The following L3MBTL1 variants were observed in gnomAD, a reference collection of about 807,000 sequenced individuals.
The protein encoded by L3MBTL1 is lethal(3)malignant brain tumor-like protein 1.
A neutral mutation model predicts 105.3 loss-of-function variants in L3MBTL1; 75 were observed. The ratio of observed to expected loss-of-function variants is 0.71; its 90% CI spans 0.59 to 0.86. L3MBTL1 has a LOEUF of 0.86. Ranked by LOEUF, L3MBTL1 falls within the 40% of genes least tolerant of loss-of-function variation. The pLI is 0.00. For synonymous variants in L3MBTL1, 452 were observed against 436.2 expected (o/e 1.04, Z -0.45); for missense variants, 1,069 against 1,126.4 (o/e 0.95, Z 0.73).
At chr20:43,546,283 G>A (rs1978593067), downstream of L3MBTL1, among the ~76,000 whole-genome samples, 2 of 152,334 alleles carry the variant, frequency 1.3e-5, no homozygotes, top group Middle Eastern at 3.4e-3. Flanking sequence ...GAACTGTGGG[G>A]CAGGGCCAGG....
At position 43,530,782 on chromosome 20, in the gene L3MBTL1, C is replaced by G; in HGVS notation, c.1193-16C>G. ...CCTCTGCACGGCGCTCTGTTCATGC[C>G]CCTCGAGGGGCCTAGGTTACAAGGA... is the stretch of plus-strand genomic sequence containing the variant. On this transcript the variant is annotated splice_polypyrimidine_tract_variant and intron_variant, in intron 10 of 21. Coordinates refer to ENST00000418998, the MANE Select transcript of L3MBTL1 (RefSeq NM_001377303.1). 1.2e-6 allele frequency: 2 copies of G among 1,612,556 alleles called. No homozygotes were observed. The highest frequency in any genetic ancestry group is 1.7e-6 in the Non-Finnish European group (2 of 1,178,900).
chr20:43,540,919 G>T lies in L3MBTL1; in HGVS notation c.2395-15G>T. 1 of 1,613,692 alleles carries T rather than the reference G, an allele frequency of 6.2e-7. No homozygotes were observed. The highest frequency in any genetic ancestry group is 8.5e-7 in the Non-Finnish European group (1 of 1,179,744). On this transcript the variant is annotated splice_polypyrimidine_tract_variant and intron_variant, in intron 21 of 21. Coordinates refer to ENST00000418998, the MANE Select transcript of L3MBTL1 (RefSeq NM_001377303.1). The stretch of plus-strand genomic sequence containing the variant: ...CGTCACTTCTGCTAAGGAGGGACCC[G>T]TGTTGCCCCACCAGGCAAGAATAGT...
rs6017104 is a variant in L3MBTL1 at position 43,534,391 on chromosome 20, A to G, written c.1707A>G (p.Ile569Met). The G allele has an allele frequency of 9.6e-4, 1,549 of 1,613,864 alleles. 20 individuals are homozygous for G. The African/African-American group carries it at 0.018, about 19-fold the overall frequency. ...TGGAGGATGTGGAGGACCATCGGAT[A>G]AAGGTGGCTCTGGGACCCTAGGGCT... ...ASVEDVEDHRIKIHFDGWSHG... is the reference protein window; with the variant it reads ...ASVEDVEDHRMKIHFDGWSHG... The change falls in exon 15 of 22, where the codon ATA (isoleucine) becomes ATG (methionine). Residue 569 changes from isoleucine to methionine, a missense_variant. Coordinates refer to ENST00000418998, the MANE Select transcript of L3MBTL1 (RefSeq NM_001377303.1).
chr20:43,537,455 A>G (rs1300479241), intron 19 of L3MBTL1, among the ~76,000 whole-genome samples: 1 of 151,826 alleles, frequency 6.6e-6, no homozygotes, highest in African/African-American at 2.4e-5. Context: ...AAGGATACCA[A>G]TTGAATTGGA....
intron 7 of L3MBTL1, among the ~76,000 whole-genome samples, chr20:43,527,111 G>A (rs1402272179): frequency 1.3e-5 from 2 of 152,222 alleles, no homozygotes; most frequent in African/African-American, 2.4e-5. Context: ...TACAGCCTTA[G>A]TGAAGACCCA....
At chr20:43,515,928 G>C in intron 6 of L3MBTL1, 165 bp from the exon 7 acceptor site, 1 of 602,812 alleles carries the variant, frequency 1.7e-6, no homozygotes, top group Non-Finnish European at 3.0e-6. Flanking sequence ...GTGATAGGGG[G>C]ATGTCTGCTG....
Position 43,536,139 on chromosome 20 carries a change from A to G in L3MBTL1, c.1968A>G (p.Thr656=). The G allele has an allele frequency of 6.2e-7, 1 of 1,613,792 alleles. No homozygotes were observed. Among genetic ancestry groups the G allele is most frequent in the Non-Finnish European group, 8.5e-7 (1 of 1,180,034 alleles). ...GTTGCGACGGCTCTGGCCATGTCAC[A>G]GGCAAGTTCACAGCTCACCATTGCC... is the stretch of plus-strand genomic sequence containing the variant. ...TPGCDGSGHV[T]GKFTAHHCLS... Residue 656 remains threonine (T), a synonymous_variant, in exon 18 of 22, where the codon ACA becomes ACG. Coordinates refer to ENST00000418998, the MANE Select transcript of L3MBTL1 (RefSeq NM_001377303.1).
At chr20:43,547,261 C>A (rs1052204047) in intron 18 of L3MBTL1, among the ~76,000 whole-genome samples, 1 of 152,076 alleles carries the variant, frequency 6.6e-6, no homozygotes, top group Non-Finnish European at 1.5e-5. Flanking sequence ...CCCGCCACCA[C>A]GCCCAGCTAA....
At position 43,514,627 on chromosome 20, in the gene L3MBTL1, C is replaced by T. The variant is rs753597843; in HGVS notation, c.361-8C>T. 2.2e-5 allele frequency: 35 copies of T among 1,597,946 alleles called. No homozygotes were observed. The highest frequency in any genetic ancestry group is 1.0e-4 in the Admixed American group (6 of 57,750). ...GAGTCGCAATCCTCAGACCCTCCCG[C>T]GCTCCAGTTCCGGATAAGCGAGTAT... is the stretch of plus-strand genomic sequence containing the variant. On this transcript the variant is annotated splice_region_variant and splice_polypyrimidine_tract_variant and intron_variant, in intron 3 of 21. Transcript: ENST00000418998.
chr20:43,544,185 G>A (rs956898473), downstream of L3MBTL1, among the ~76,000 whole-genome samples: 5 of 152,202 alleles, frequency 3.3e-5, no homozygotes, highest in South Asian at 2.1e-4. Context: ...TTGGGCTCCT[G>A]GTAGACCACA....
rs778774992 is a variant in L3MBTL1, at chr20:43,529,384, G to A, written c.1056+16G>A. 1.0e-5 allele frequency: 16 copies of A among 1,564,674 alleles called. No homozygotes were observed. In the East Asian group the frequency reaches 3.2e-4, roughly 31 times the overall value. The stretch of plus-strand genomic sequence containing the variant: ...CGTGGCTGAGGTGAGCTGGGGCTTG[G>A]TACCACCTTTCTGATGATGTCTCTC... On this transcript the variant is annotated intron_variant, in intron 9 of 21. Transcript: ENST00000418998.
At chr20:43,539,955 C>T (rs1335060045) in intron 19 of L3MBTL1, 196 bp from the exon 20 acceptor site, 3 of 662,718 alleles carry the variant, frequency 4.5e-6, no homozygotes, top group Non-Finnish European at 8.1e-6. Context: ...AAGAGAGTCA[C>T]TTTACCAGCA....
chr20:43,548,171 G>C, exon 19 of L3MBTL1: 1 of 1,304,316 alleles, frequency 7.7e-7, no homozygotes, highest in South Asian at 1.2e-5. Flanking sequence ...GATCATGAGC[G>C]TCAAGCTGGG....
chr20:43,528,112 C>T (rs866683131), intron 7 of L3MBTL1, among the ~76,000 whole-genome samples: 5 of 152,224 alleles, frequency 3.3e-5, no homozygotes, highest in South Asian at 2.1e-4. Flanking sequence ...AGGCTGGTCT[C>T]GAACTCCTGA....
chr20:43,513,854 C>T lies in L3MBTL1; in HGVS notation c.153C>T (p.Leu51=), dbSNP rs1008183002. Residue 51 remains leucine, a synonymous_variant, in exon 3 of 22, where the codon CTC becomes CTT. Transcript: ENST00000418998. ...TGTTTACAGCCAGTTCGGCCACCCT[C>T]GGCCTGCCCAGCAGTGCCCTGGATG... ...AFIIPASSAT[L]GLPSSALDVS... is the part of the protein sequence containing the mutation. 5.8e-6 allele frequency: 9 copies of T among 1,550,516 alleles called. No individual in the cohort carries two copies. The highest frequency in any genetic ancestry group is 2.4e-5 in the East Asian group (1 of 40,928).
downstream of L3MBTL1, among the ~76,000 whole-genome samples, chr20:43,542,673 C>T (rs1221690114): frequency 1.3e-5 from 2 of 149,808 alleles, no homozygotes; most frequent in African/African-American, 4.9e-5. Context: ...CCAGAAAGTT[C>T]TTTCTCAGCC....
rs201339637 is a variant in L3MBTL1, at chr20:43,530,752, C to T, written c.1193-46C>T. 4.4e-4 allele frequency: 693 copies of T among 1,575,442 alleles called. 2 individuals are homozygous for T. Among genetic ancestry groups the T allele is most frequent in the Non-Finnish European group, 5.4e-4 (619 of 1,145,982 alleles). On this transcript the variant is annotated intron_variant, in intron 10 of 21. Coordinates refer to ENST00000418998, the MANE Select transcript of L3MBTL1 (RefSeq NM_001377303.1). ...TCACTGTGGGGTGCCCTTGCTGTGG[C>T]CCAGCCTCTGCACGGCGCTCTGTTC...
At chr20:43,508,714 T>C (rs1362940243) in intron 1 of L3MBTL1, among the ~76,000 whole-genome samples, 1 of 152,164 alleles carries the variant, frequency 6.6e-6, no homozygotes, top group Non-Finnish European at 1.5e-5. Flanking sequence ...GATAGCAAGA[T>C]TTGAGTGTAG....
At chr20:43,522,310 G>A (rs754506355) in intron 7 of L3MBTL1, among the ~76,000 whole-genome samples, 3 of 151,878 alleles carry the variant, frequency 2.0e-5, no homozygotes, top group East Asian at 1.9e-4. Flanking sequence ...AGCTGAGATC[G>A]CTTCACTGCA....
Sources: gnomAD v4.1 joint callset for allele counts (sites outside exome capture counted in the v4.1 genomes callset) on GRCh38, gnomAD v4.1.1 for gene constraint, MANE v1.5 for transcripts, NCBI Gene and HGNC (gene_info 2026-07-23, HGNC 2026-07-21) for gene names.